Variants in NLRC5 observed in about 807,000 individuals in gnomAD.
NLRC5 encodes NLR family CARD domain containing 5.
In NLRC5, 114 loss-of-function variants were observed where a neutral mutation model predicts 206.9. The observed-to-expected ratio is 0.55, with a 90% CI of 0.47 to 0.64. The LOEUF is 0.64. NLRC5 is among the 30% of genes least tolerant of loss of function. NLRC5 has a pLI of 0.00. For missense variants in NLRC5, 2,008 were observed against 2,305.5 expected, an observed-to-expected ratio of 0.87 and a Z score of 2.64; for synonymous variants, 952 against 962.8, an observed-to-expected ratio of 0.99 and a Z score of 0.21.
chr16:57,021,532 G>C (rs1039165818), intron 3 of NLRC5, among the ~76,000 whole-genome samples: 1 of 152,078 alleles, frequency 6.6e-6, no homozygotes, highest in Non-Finnish European at 1.5e-5. Context: ...CACCACATTA[G>C]GCTAATTTTT....
At chr16:57,047,445 C>T in intron 22 of NLRC5, 100 bp from the exon 23 acceptor site, 1 of 1,086,006 alleles carries the variant, frequency 9.2e-7, no homozygotes, top group Non-Finnish European at 1.4e-6. Flanking sequence ...TGGCCTCCCA[C>T]TTAGAGTGAG....
At chr16:57,043,936 C>T (rs2063606042) in intron 20 of NLRC5, 1 of 336,182 alleles carries the variant, frequency 3.0e-6, no homozygotes, top group Non-Finnish European at 5.6e-6. Context: ...TTCTAGGGTA[C>T]ATGTGCACAA....
rs774890837 is a variant in NLRC5, at chr16:57,025,443, G to A, written c.500G>A (p.Gly167Glu). The A allele has an allele frequency of 6.2e-7, 1 of 1,605,046 alleles. No individual in the cohort carries two copies. The highest frequency in any genetic ancestry group is 8.5e-7 in the Non-Finnish European group (1 of 1,175,254). Reference sequence around the variant, plus strand: ...TACAGGAGCCAAATCCCTGGGTCAGGGCAGCCCCACGCCTTCCACCAGGTC... The same window carrying A: ...TACAGGAGCCAAATCCCTGGGTCAGAGCAGCCCCACGCCTTCCACCAGGTC... ...QRYRSQIPGS[G>E]QPHAFHQVYV... is the part of the protein sequence containing the mutation. Residue 167 changes from glycine to glutamate, a missense_variant, in exon 6 of 49, where the codon GGG becomes GAG. By Grantham distance (98) the Gly-to-Glu change is moderately conservative. Transcript: ENST00000688547.
At chr16:57,054,923 A>C in intron 25 of NLRC5, 83 bp downstream of exon 25, 1 of 1,581,470 alleles carries the variant, frequency 6.3e-7, no homozygotes. Context: ...TAGGATGAAG[A>C]CAGTAGGACC....
chr16:57,055,551 G>C (rs1304621419), intron 27 of NLRC5, 32 bp downstream of exon 27: 11 of 1,562,648 alleles, frequency 7.0e-6, no homozygotes, highest in African/African-American at 2.7e-5. Context: ...AAGGAGAGGA[G>C]CATGGACGCA....
chr16:57,029,656 T>G, intron 8 of NLRC5, 117 bp from the exon 9 acceptor site: 2 of 802,436 alleles, frequency 2.5e-6, no homozygotes, highest in Non-Finnish European at 4.2e-6. Flanking sequence ...CATCAGCTCT[T>G]TCTGGGCCCC....
At position 57,026,696 on chromosome 16, in the gene NLRC5, G is replaced by A. The variant is rs1467873868; in HGVS notation, c.1753G>A (p.Glu585Lys). Residue 585 changes from glutamate to lysine, a missense_variant, in exon 6 of 49, where the codon GAG (glutamate) becomes AAG (lysine). Transcript: ENST00000688547. ...CCTTAGCCACCTGGCGCAGGGCAAT[G>A]AGGACTGTGTGGGTGCCAAGCAGGC... Reference protein sequence around the residue: ...PFLSHLAQGNEDCVGAKQAAV... With the variant: ...PFLSHLAQGNKDCVGAKQAAV... 6.2e-7 allele frequency: 1 copy of A among 1,614,092 alleles called. No individual in the cohort carries two copies. Among genetic ancestry groups the A allele is most frequent in the Non-Finnish European group, 8.5e-7 (1 of 1,179,946 alleles).
intron 1 of NLRC5, among the ~76,000 whole-genome samples, chr16:57,016,401 C>T (rs1167741): frequency 0.56 from 84,420 of 152,038 alleles, 24,086 homozygotes; most frequent in Admixed American, 0.62. Context: ...GTTACATTCC[C>T]CGTATTTCAC....
intron 22 of NLRC5, 99 bp downstream of exon 22, chr16:57,046,740 G>C: frequency 2.2e-6 from 2 of 898,962 alleles, no homozygotes; most frequent in Non-Finnish European, 3.5e-6. Context: ...GATTGGGATA[G>C]AGGGAAGAGA....
chr16:57,029,088 A>C (rs188304815), intron 8 of NLRC5, among the ~76,000 whole-genome samples: 2 of 152,202 alleles, frequency 1.3e-5, no homozygotes, highest in Non-Finnish European at 2.9e-5. Flanking sequence ...GAGTGAAAAT[A>C]ATAAGTTGGA....
intron 2 of NLRC5, among the ~76,000 whole-genome samples, chr16:57,020,194 A>G (rs1326445435): frequency 1.6e-5 from 2 of 124,070 alleles, no homozygotes; most frequent in Non-Finnish European, 3.3e-5. Context: ...CCTTCCCCCT[A>G]GTTCATCTGT....
Position 57,026,592 on chromosome 16 carries a change from G to A in NLRC5, c.1649G>A (p.Arg550Gln), listed in dbSNP as rs774278359. 12 of 1,614,176 alleles carry A rather than the reference G, an allele frequency of 7.4e-6. No individual in the cohort carries two copies. The highest frequency in any genetic ancestry group is 2.2e-5 in the East Asian group (1 of 44,888). Residue 550 changes from arginine (R) to glutamine (Q), a missense_variant, in exon 6 of 49, where the codon CGG (arginine) becomes CAG (glutamine). Coordinates refer to ENST00000688547, the MANE Select transcript of NLRC5 (RefSeq NM_001384950.1). ...YVTLHSRWVQ[R>Q]TKARLGLSDH... ...ACCCTCCATTCCCGCTGGGTACAGCGGACCAAAGCTAGACTGGGCCTCTCA... is the reference window on the plus strand; with the variant it reads ...ACCCTCCATTCCCGCTGGGTACAGCAGACCAAAGCTAGACTGGGCCTCTCA...
chr16:57,043,427 G>T, intron 19 of NLRC5, 88 bp from the exon 20 acceptor site: 1 of 993,608 alleles, frequency 1.0e-6, no homozygotes, highest in Non-Finnish European at 1.6e-6. Context: ...TGGAACCAGG[G>T]ATCCCTCCCC....
At chr16:57,047,687 G>C in intron 23 of NLRC5, 59 bp downstream of exon 23, 2 of 1,426,500 alleles carry the variant, frequency 1.4e-6, no homozygotes, top group Middle Eastern at 1.7e-4. Context: ...CAGTGACCTG[G>C]GAGGGGGCTT....
At chr16:57,078,382 C>T (rs2068678041) in intron 43 of NLRC5, among the ~76,000 whole-genome samples, 1 of 151,950 alleles carries the variant, frequency 6.6e-6, no homozygotes, top group Non-Finnish European at 1.5e-5. Context: ...GAGCACGGTG[C>T]CAATCAACGT....
intron 6 of NLRC5, among the ~76,000 whole-genome samples, chr16:57,027,817 A>G (rs2061405280): frequency 6.6e-6 from 1 of 152,206 alleles, no homozygotes; most frequent in Non-Finnish European, 1.5e-5. Context: ...TGGTGAGAAC[A>G]TAGTCACCTG....
chr16:56,994,150 G>A (rs1285115844), intron 1 of NLRC5, among the ~76,000 whole-genome samples: 1 of 142,432 alleles, frequency 7.0e-6, no homozygotes, highest in East Asian at 2.4e-4. Context: ...TTTGCATGGT[G>A]TATGTGTATG....
chr16:57,047,382 G>A (rs906500455), intron 22 of NLRC5, among the ~76,000 whole-genome samples, 163 bp from the exon 23 acceptor site: 4 of 152,086 alleles, frequency 2.6e-5, no homozygotes, highest in Non-Finnish European at 5.9e-5. Flanking sequence ...AGGATTGGGG[G>A]CTGCAGGGGA....
intron 1 of NLRC5, among the ~76,000 whole-genome samples, chr16:56,999,660 G>C (rs2058029642): frequency 6.6e-6 from 1 of 152,266 alleles, no homozygotes; most frequent in Non-Finnish European, 1.5e-5. Flanking sequence ...ACAGCTCCCA[G>C]TCTGAGGAAG....
Sources: gnomAD v4.1 joint callset for allele counts (sites outside exome capture counted in the v4.1 genomes callset) on GRCh38, gnomAD v4.1.1 for gene constraint, MANE v1.5 for transcripts, NCBI Gene and HGNC (gene_info 2026-07-23, HGNC 2026-07-21) for gene names.